The following DGKG variants were observed in gnomAD, a reference collection of about 807,000 sequenced individuals.
DGKG encodes diacylglycerol kinase gamma, also known as DAG kinase gamma.
In DGKG, 78 loss-of-function variants were observed where a neutral mutation model predicts 105.3. That is an observed-to-expected ratio of 0.74 (90% CI 0.62 to 0.89). DGKG has a LOEUF of 0.89. Among genes scored for constraint, DGKG ranks in the 40% least tolerant of loss-of-function variants. DGKG has a pLI of 0.00. For missense variants in DGKG, 958 were observed against 1,020.1 expected, an observed-to-expected ratio of 0.94 and a Z score of 0.83; for synonymous variants, 346 against 367.1, an observed-to-expected ratio of 0.94 and a Z score of 0.66.
At position 186,267,748 on chromosome 3, in the gene DGKG, C is replaced by T. The variant is rs778244481; in HGVS notation, c.1146G>A (p.Leu382=). ...GGTCTCTGAGTTCCCCACCGTCACA[C>T]AACGTTGATAATTCACATTTGCGGT... is the stretch of plus-strand genomic sequence containing the variant. ...TFHRKCELST[L]CDGGELRDHI... Residue 382 remains leucine (L), a synonymous_variant, in exon 13 of 25, where the codon TTG becomes TTA. Transcript: ENST00000265022. 1 of 1,613,996 alleles carries T rather than the reference C, an allele frequency of 6.2e-7. No homozygotes were observed. The highest frequency in any genetic ancestry group is 1.1e-5 in the South Asian group (1 of 91,076).
At position 186,226,891 on chromosome 3, in the gene DGKG, C is replaced by T. The variant is rs1464729817; in HGVS notation, c.1827-15006G>A. Among the ~76,000 whole-genome samples the T allele has an allele frequency of 6.6e-6, 1 of 152,200 alleles. No homozygotes were observed. Among genetic ancestry groups the T allele is most frequent in the Admixed American group, 6.5e-5 (1 of 15,288 alleles). ...TGTTAGTAATTTGAGGGTATAAGTA[C>T]ATTCTTGAAGTGAGAAGAGCCCCTC... On this transcript the variant is annotated intron_variant, in intron 20 of 24. Transcript: ENST00000265022. The surrounding 1 kb of genome is among the most constrained non-coding windows in gnomAD (Gnocchi z 4.2).
intron 1 of DGKG, among the ~76,000 whole-genome samples, chr3:186,356,126 G>A (rs1475154661): frequency 2.6e-5 from 4 of 152,204 alleles, no homozygotes; most frequent in African/African-American, 9.6e-5. Context: ...ACAGAAAGCT[G>A]AATAAATTTT....
chr3:186,155,631 T>G (rs1715999585), intron 24 of DGKG, among the ~76,000 whole-genome samples: 1 of 152,248 alleles, frequency 6.6e-6, no homozygotes, highest in South Asian at 2.1e-4. Flanking sequence ...TTACTTAGAA[T>G]AAATTCCTAG....
At chr3:186,306,718 T>C in intron 3 of DGKG, 183 bp downstream of exon 3, 1 of 581,354 alleles carries the variant, frequency 1.7e-6, no homozygotes, top group South Asian at 2.1e-5. Context: ...GACAGTGGAA[T>C]GAGTGTATGG....
chr3:186,305,722 A>T (rs1158043215), intron 3 of DGKG, among the ~76,000 whole-genome samples: 3 of 152,124 alleles, frequency 2.0e-5, no homozygotes, highest in Non-Finnish European at 2.9e-5. Context: ...AAGTGGCGAG[A>T]TGTGTCTATA....
intron 20 of DGKG, among the ~76,000 whole-genome samples, chr3:186,233,096 C>T (rs552390639): frequency 6.6e-5 from 10 of 152,214 alleles, no homozygotes; most frequent in Non-Finnish European, 1.2e-4. Context: ...TGTTAGGTTA[C>T]GTGGCAAAGG....
At chr3:186,183,021 C>A (rs1303628703) in intron 22 of DGKG, among the ~76,000 whole-genome samples, 1 of 152,196 alleles carries the variant, frequency 6.6e-6, no homozygotes, top group Non-Finnish European at 1.5e-5. Flanking sequence ...AATTCACAGG[C>A]TGGGCTCGCT....
At chr3:186,347,537 A>T (rs1036639503) in intron 1 of DGKG, among the ~76,000 whole-genome samples, 2 of 150,666 alleles carry the variant, frequency 1.3e-5, no homozygotes, top group Non-Finnish European at 3.0e-5. Flanking sequence ...CTTATTTTAT[A>T]CTTTTTATAT....
chr3:186,192,859 G>C (rs548761948), intron 21 of DGKG, among the ~76,000 whole-genome samples: 1 of 152,260 alleles, frequency 6.6e-6, no homozygotes, highest in East Asian at 1.9e-4. Context: ...TCCGCACCAG[G>C]TTTGTTTTTT....
chr3:186,298,138 A>G lies in DGKG; in HGVS notation c.236T>C (p.Phe79Ser), dbSNP rs753333697. 143 of 1,614,024 alleles carry G rather than the reference A, an allele frequency of 8.9e-5. 1 individual carries two copies. The highest frequency in any genetic ancestry group is 1.2e-4 in the Non-Finnish European group (142 of 1,180,018). Residue 79 changes from phenylalanine (F) to serine (S), a missense_variant, in exon 4 of 25, where the codon TTC (phenylalanine) becomes TCC (serine). Around this residue, in one of 2 missense-constraint regions of DGKG, gnomAD observed 643 missense variants for 619.5 expected, o/e 1.04. Transcript: ENST00000265022. ...GGTCTCGTGTCTGGGCTTCTGGCTG[A>G]AGGCCAGGAAGAGGTGAGTGCTCAG... The part of the protein sequence containing the change: ...QPLSTHLFLA[F>S]SQKPRHETSD...
intron 13 of DGKG, chr3:186,267,480 C>G: frequency 3.8e-6 from 2 of 531,292 alleles, no homozygotes; most frequent in Non-Finnish European, 6.9e-6. Flanking sequence ...GCACAACAAA[C>G]TCCCGCAAGA....
chr3:186,308,449 G>A (rs190093459), intron 2 of DGKG, among the ~76,000 whole-genome samples: 16 of 152,208 alleles, frequency 1.1e-4, no homozygotes, highest in Admixed American at 8.5e-4. Flanking sequence ...GCCAAAGGAC[G>A]ATGTTATTAA....
intron 9 of DGKG, among the ~76,000 whole-genome samples, chr3:186,276,158 CT>C (rs1722579408): frequency 6.6e-6 from 1 of 152,120 alleles, no homozygotes; most frequent in South Asian, 2.1e-4. Flanking sequence ...TAATGAAAAG[CT>C]GGAAATATCC....
chr3:186,345,943 A>AT (rs1445488096), intron 1 of DGKG, among the ~76,000 whole-genome samples: 3 of 151,898 alleles, frequency 2.0e-5, no homozygotes, highest in African/African-American at 7.3e-5. Flanking sequence ...TAATTTTTGT[A>AT]TTTTTAATAG....
chr3:186,160,390 C>A (rs1716237134), intron 24 of DGKG: 1 of 985,300 alleles, frequency 1.0e-6, no homozygotes, highest in Non-Finnish European at 1.2e-6. Flanking sequence ...CTTCTCAACT[C>A]AGTTCCATCA....
chr3:186,177,805 G>A (rs1389646585), intron 22 of DGKG, among the ~76,000 whole-genome samples: 1 of 152,180 alleles, frequency 6.6e-6, no homozygotes, highest in African/African-American at 2.4e-5. Flanking sequence ...CAATGGTTTT[G>A]TCCCATAAGT....
chr3:186,318,409 AT>A (rs1185496190), intron 2 of DGKG, among the ~76,000 whole-genome samples: 5 of 152,128 alleles, frequency 3.3e-5, no homozygotes, highest in Admixed American at 3.3e-4. Context: ...TGCTGCTCAC[AT>A]TTTAAACCTC....
chr3:186,224,110 A>G (rs1719733245), intron 20 of DGKG, among the ~76,000 whole-genome samples: 1 of 152,090 alleles, frequency 6.6e-6, no homozygotes, highest in South Asian at 2.1e-4. Context: ...TAATTTGAAC[A>G]CTCTACTTTA....
intron 14 of DGKG, among the ~76,000 whole-genome samples, chr3:186,264,142 T>C (rs986086726): frequency 6.6e-6 from 1 of 152,216 alleles, no homozygotes; most frequent in Non-Finnish European, 1.5e-5. Flanking sequence ...CTGGCATACA[T>C]GTATCGGGTG....
Sources: allele counts gnomAD v4.1 joint callset (sites outside exome capture counted in the v4.1 genomes callset), GRCh38; gene constraint gnomAD v4.1.1; regional missense constraint gnomAD v4.1.1; non-coding constraint Gnocchi (gnomAD v3.1); transcripts MANE v1.5; gene names NCBI Gene and HGNC (gene_info 2026-07-23, HGNC 2026-07-21).